The following VPS4A variants were observed in gnomAD, a reference collection of about 807,000 sequenced individuals.
The protein encoded by VPS4A is vacuolar protein sorting-associated protein 4A.
VPS4A carries 20 observed loss-of-function variants against 52.3 expected under a neutral mutation model. That is an observed-to-expected ratio of 0.38 (90% CI 0.27 to 0.56). The LOEUF is 0.56. Among genes scored for constraint, VPS4A ranks in the 20% least tolerant of loss-of-function variants. The pLI is 0.72. For missense variants in VPS4A, 419 were observed against 575.9 expected (o/e 0.73, Z 2.79); for synonymous variants, 293 against 227.7 (o/e 1.29, Z -2.58).
chr16:69,321,323 T>C lies in VPS4A; in HGVS notation c.1071+53T>C. ...AAATCTCATAGTAAGAGCGGGATGT[T>C]CGGTTTTTTTTTTCCCAGCTCCTGG... On this transcript the variant is annotated intron_variant, in intron 9 of 10. Coordinates refer to ENST00000254950, the MANE Select transcript of VPS4A (RefSeq NM_013245.3). This position sits in a 1 kb window ranked among gnomAD's most constrained non-coding sequence, Gnocchi z 4.5. 72 of 1,511,920 alleles carry C rather than the reference T, an allele frequency of 4.8e-5. No homozygotes were observed. In the South Asian group the frequency reaches 5.5e-4, roughly 12 times the overall value. 93.7% of individuals were successfully genotyped at this position (1,511,920 alleles called of 1,614,324 possible).
At chr16:69,313,296 T>C (rs1280425156) in intron 1 of VPS4A, among the ~76,000 whole-genome samples, 1 of 151,288 alleles carries the variant, frequency 6.6e-6, no homozygotes, top group African/African-American at 2.4e-5. Context: ...AACTCACCCA[T>C]TTAAAGTGTA....
In VPS4A at chr16:69,325,343, T is replaced by C. The variant is rs529380077; in HGVS notation, c.*1034T>C. 2.0e-5 allele frequency: 3 copies of C among 152,216 alleles called. No homozygotes were observed. Among genetic ancestry groups the C allele is most frequent in the Admixed American group, 6.5e-5 (1 of 15,276 alleles). The allele number at this position is 152,216 out of a possible 1,614,324, so 9.4% of individuals were successfully genotyped here. On this transcript the variant is annotated 3_prime_UTR_variant, in exon 11 of 11. Coordinates refer to ENST00000254950, the MANE Select transcript of VPS4A (RefSeq NM_013245.3). ...GTACCAGACCCGTCCTGCAGCTGTGTTTGTTTGGTTTGGTCTGCCGCTAAC... is the reference window on the plus strand; with the variant it reads ...GTACCAGACCCGTCCTGCAGCTGTGCTTGTTTGGTTTGGTCTGCCGCTAAC...
Position 69,323,724 on chromosome 16 carries a change from C to CA in VPS4A, c.1213-483dup, listed in dbSNP as rs1450820579. The CA allele has an allele frequency of 1.8e-5, 8 of 451,548 alleles. No homozygotes were observed. The East Asian group carries it at 5.6e-4, about 31-fold the overall frequency. The allele number at this position is 451,548 out of a possible 1,614,324, so 28.0% of individuals were successfully genotyped here. On this transcript the variant is annotated intron_variant, in intron 10 of 10. Transcript: ENST00000254950. ...CAGCACTTCGGGAGGCCGAGGCGGGCAGATCGCCTGAGGTCAGGAGTTCAA... is the reference window on the plus strand; with the variant it reads ...CAGCACTTCGGGAGGCCGAGGCGGGCAAGATCGCCTGAGGTCAGGAGTTCAA...
In VPS4A at chr16:69,320,899, G is replaced by GACGGGA; in HGVS notation, c.851+131_851+132insCGGGAA. ...AGTCTTCCCGTCTGCCTGCCAAGCA[G>GACGGGA]AGCCCTTTGTGAGGCTGGCTTGTTG... On this transcript the variant is annotated intron_variant, in intron 8 of 10. Coordinates refer to ENST00000254950, the MANE Select transcript of VPS4A (RefSeq NM_013245.3). This position sits in a 1 kb window ranked among gnomAD's most constrained non-coding sequence, Gnocchi z 4.2. The GACGGGA allele has an allele frequency of 8.0e-7, 1 of 1,245,956 alleles. No individual in the cohort carries two copies. Among genetic ancestry groups the GACGGGA allele is most frequent in the African/African-American group, 1.5e-5 (1 of 67,068 alleles). 77.2% of individuals were successfully genotyped at this position (1,245,956 alleles called of 1,614,324 possible).
chr16:69,312,243 TC>T (rs1328200754), intron 1 of VPS4A, among the ~76,000 whole-genome samples: 9 of 152,134 alleles, frequency 5.9e-5, no homozygotes, highest in Non-Finnish European at 1.0e-4. Context: ...GGTAATGCCC[TC>T]TAGGTTGTTG....
Position 69,324,389 on chromosome 16 carries a change from C to T in VPS4A, c.*80C>T, listed in dbSNP as rs998681209. The stretch of plus-strand genomic sequence containing the variant: ...GGCACTCCCCATGTCAACAGCCAGA[C>T]AGGGCTCCAGGGCTTGTCCCAGTCA... On this transcript the variant is annotated 3_prime_UTR_variant, in exon 11 of 11. Coordinates refer to ENST00000254950, the MANE Select transcript of VPS4A (RefSeq NM_013245.3). 3.3e-5 allele frequency: 45 copies of T among 1,369,714 alleles called. No individual in the cohort carries two copies. Among genetic ancestry groups the T allele is most frequent in the Non-Finnish European group, 4.6e-5 (45 of 978,672 alleles). 84.8% of individuals were successfully genotyped at this position (1,369,714 alleles called of 1,614,324 possible). A position where few individuals can be genotyped will look rare whatever the true frequency, so the allele number is the denominator to read the frequency against.
At position 69,326,335 on chromosome 16, in the gene VPS4A, G is replaced by A. The variant is rs1441240146; in HGVS notation, c.*2026G>A. The A allele has an allele frequency of 6.6e-6, 1 of 152,196 alleles. No homozygotes were observed. The highest frequency in any genetic ancestry group is 1.5e-5 in the Non-Finnish European group (1 of 68,034). 9.4% of individuals were successfully genotyped at this position (152,196 alleles called of 1,614,324 possible). ...GGTTACCCCTCAACCATAGCAGCTG[G>A]GATCTTTGTGGCTTGGGGGTGCTTG... On this transcript the variant is annotated 3_prime_UTR_variant, in exon 11 of 11. Coordinates refer to ENST00000254950, the MANE Select transcript of VPS4A (RefSeq NM_013245.3).
Position 69,311,548 on chromosome 16 carries a change from C to T in VPS4A, c.21+16C>T. ...AACCCTCCAGGTACTTCGTGCGGCC[C>T]GGCCCGACTTCGGAGGCCGAAGGCA... On this transcript the variant is annotated intron_variant, in intron 1 of 10. Transcript: ENST00000254950. 2 of 1,315,202 alleles carry T rather than the reference C, an allele frequency of 1.5e-6. No individual in the cohort carries two copies. The highest frequency in any genetic ancestry group is 2.0e-6 in the Non-Finnish European group (2 of 1,019,128). The allele number at this position is 1,315,202 out of a possible 1,614,324, so 81.5% of individuals were successfully genotyped here.
At chr16:69,315,099 T>C (rs993371524) in intron 1 of VPS4A, among the ~76,000 whole-genome samples, 44 of 152,138 alleles carry the variant, frequency 2.9e-4, no homozygotes, top group African/African-American at 1.0e-3. Flanking sequence ...CCGGATGTAG[T>C]GGTGGGCATC....
In VPS4A at chr16:69,321,199, A is replaced by G. The variant is rs1567424390; in HGVS notation, c.1000A>G (p.Ile334Val). ...RKTEGYSGAD[I>V]SIIVRDSLMQ... The stretch of plus-strand genomic sequence containing the variant: ...GACGGAAGGCTACTCGGGCGCGGAC[A>G]TCAGCATCATCGTGCGGGACTCTCT... Residue 334 changes from isoleucine (I) to valine (V), a missense_variant, in exon 9 of 11, where the codon ATC becomes GTC. Coordinates refer to ENST00000254950, the MANE Select transcript of VPS4A (RefSeq NM_013245.3). The surrounding 1 kb of genome is among the most constrained non-coding windows in gnomAD (Gnocchi z 4.5). 1 of 1,570,008 alleles carries G rather than the reference A, an allele frequency of 6.4e-7. No individual in the cohort carries two copies. The highest frequency in any genetic ancestry group is 8.6e-7 in the Non-Finnish European group (1 of 1,158,218).
chr16:69,317,845 G>A (rs894920600), intron 3 of VPS4A, among the ~76,000 whole-genome samples: 3 of 151,552 alleles, frequency 2.0e-5, no homozygotes, highest in Admixed American at 1.3e-4. Context: ...CCAGCTACTC[G>A]GGAGGCTGAC....
At chr16:69,323,691 T>C (rs962963848) in intron 10 of VPS4A, 2 of 455,096 alleles carry the variant, frequency 4.4e-6, no homozygotes, top group African/African-American at 2.0e-5. Context: ...GGCTCCCGCC[T>C]GTAATCCCAG....
intron 9 of VPS4A, chr16:69,322,009 T>TA (rs1429438650): frequency 6.4e-6 from 1 of 156,150 alleles, no homozygotes; most frequent in Admixed American, 6.5e-5. Context: ...AAAAGAGGTT[T>TA]AATTGGCCTT....
chr16:69,312,045 T>C (rs1965383922), intron 1 of VPS4A, among the ~76,000 whole-genome samples: 1 of 152,344 alleles, frequency 6.6e-6, no homozygotes, highest in South Asian at 2.1e-4. Context: ...GGTGCTGGGA[T>C]GGCGCCACCT....
Position 69,319,532 on chromosome 16 carries a change from G to T in VPS4A, c.609G>T (p.Gly203=). 1 of 1,613,104 alleles carries T rather than the reference G, an allele frequency of 6.2e-7. No homozygotes were observed. Among genetic ancestry groups the T allele is most frequent in the Non-Finnish European group, 8.5e-7 (1 of 1,179,564 alleles). The change falls in exon 6 of 11, where the codon GGG becomes GGT. Residue 203 remains glycine (G), a synonymous_variant. Coordinates refer to ENST00000254950, the MANE Select transcript of VPS4A (RefSeq NM_013245.3). ...CAGATCTGATGTCCAAGTGGCTGGG[G>T]GAGAGTGAAAAGTAAGTCGGCCACC... is the stretch of plus-strand genomic sequence containing the variant. ...SSSDLMSKWL[G]ESEKLVKNLF... is the part of the protein sequence containing the mutation.
At chr16:69,318,760 C>G in intron 4 of VPS4A, 49 bp downstream of exon 4, 1 of 1,613,054 alleles carries the variant, frequency 6.2e-7, no homozygotes, top group South Asian at 1.1e-5. Context: ...AGAGTGGGTC[C>G]GCTGCTGGGT....
At chr16:69,315,871 G>C in intron 1 of VPS4A, 137 bp from the exon 2 acceptor site, 2 of 681,812 alleles carry the variant, frequency 2.9e-6, no homozygotes. Flanking sequence ...TGAAAAAGTA[G>C]GCCAATGAAA....
Position 69,316,028 on chromosome 16 carries a change from G to A in VPS4A, c.42G>A (p.Thr14=), listed in dbSNP as rs765343101. The A allele has an allele frequency of 8.1e-6, 13 of 1,613,400 alleles. No homozygotes were observed. The highest frequency in any genetic ancestry group is 2.2e-5 in the East Asian group (1 of 44,892). The part of the protein sequence containing the change: ...STLQKAIDLV[T]KATEEDKAKN... ...TCCAGAAAGCCATTGATCTGGTGACGAAAGCCACAGAGGAGGACAAAGCCA... is the reference window on the plus strand; with the variant it reads ...TCCAGAAAGCCATTGATCTGGTGACAAAAGCCACAGAGGAGGACAAAGCCA... The change falls in exon 2 of 11, where the codon ACG becomes ACA. Residue 14 remains threonine, a synonymous_variant. Coordinates refer to ENST00000254950, the MANE Select transcript of VPS4A (RefSeq NM_013245.3).
rs765137485 is a variant in VPS4A at position 69,325,505 on chromosome 16, G to A, written c.*1196G>A. 4 of 151,616 alleles carry A rather than the reference G, an allele frequency of 2.6e-5. No individual in the cohort carries two copies. The South Asian group carries it at 6.2e-4, about 24-fold the overall frequency. 9.4% of individuals were successfully genotyped at this position (151,616 alleles called of 1,614,324 possible). A position where few individuals can be genotyped will look rare whatever the true frequency, so the allele number is the denominator to read the frequency against. On this transcript the variant is annotated 3_prime_UTR_variant, in exon 11 of 11. Transcript: ENST00000254950. ...AATCCCAGCACTTTGGGAGGCCGAC[G>A]CGGGCGGATCACAAGGTCAGGAAAT...
Sources: allele counts gnomAD v4.1 joint callset (sites outside exome capture counted in the v4.1 genomes callset), GRCh38; gene constraint gnomAD v4.1.1; non-coding constraint Gnocchi (gnomAD v3.1); transcripts MANE v1.5; gene names NCBI Gene and HGNC (gene_info 2026-07-23, HGNC 2026-07-21).